GALNT9: variants seen among roughly 807,000 people sequenced by gnomAD.
GALNT9 encodes the protein GalNAc transferase 9.
GALNT9 carries 47 observed loss-of-function variants against 63.1 expected under a neutral mutation model. The ratio of observed to expected loss-of-function variants is 0.75; its 90% CI spans 0.59 to 0.95. GALNT9 has a LOEUF of 0.95. Among genes scored for constraint, GALNT9 ranks in the 40% least tolerant of loss-of-function variants. The pLI is 0.00. For synonymous variants in GALNT9, 396 were observed against 365.7 expected, an observed-to-expected ratio of 1.08 and a Z score of -0.94; for missense variants, 829 against 874.8, an observed-to-expected ratio of 0.95 and a Z score of 0.66.
intron 1 of GALNT9, among the ~76,000 whole-genome samples, chr12:132,326,131 C>T (rs551561309): frequency 4.6e-5 from 7 of 152,250 alleles, no homozygotes; most frequent in Non-Finnish European, 7.3e-5. Flanking sequence ...TGAAAATTTT[C>T]TTAAAGGCAG....
At position 132,296,372 on chromosome 12, in the gene GALNT9, A is replaced by G. The variant is rs1881077690; in HGVS notation, c.239-9942T>C. On this transcript the variant is annotated intron_variant, in intron 1 of 10. Transcript: ENST00000328957. This position sits in a 1 kb window ranked among gnomAD's most constrained non-coding sequence, Gnocchi z 4.2. The stretch of plus-strand genomic sequence containing the variant: ...AGGAGATGCCCACGCTCACCACCCC[A>G]TCCACTGATGGCCCAGCTGTGGGCT... Among the ~76,000 whole-genome samples the G allele has an allele frequency of 6.6e-6, 1 of 152,190 alleles. No homozygotes were observed. Among genetic ancestry groups the G allele is most frequent in the Non-Finnish European group, 1.5e-5 (1 of 68,016 alleles).
At chr12:132,214,303 G>C (rs949599321) in intron 6 of GALNT9, among the ~76,000 whole-genome samples, 5 of 152,188 alleles carry the variant, frequency 3.3e-5, no homozygotes, top group African/African-American at 9.7e-5. Flanking sequence ...GGGATGAAGG[G>C]GGCGAGCAGG....
chr12:132,236,406 A>G lies in GALNT9; in HGVS notation c.1077+11504T>C, dbSNP rs1286907783. On this transcript the variant is annotated intron_variant, in intron 6 of 10. Coordinates refer to ENST00000328957, the MANE Select transcript of GALNT9 (RefSeq NM_001122636.2). This position sits in a 1 kb window ranked among gnomAD's most constrained non-coding sequence, Gnocchi z 5.6. ...GAGGGGGCCTCGGAACCGGAGGGGA[A>G]GACCCCACAGCGTCTGCGGAGCTCC... 6.6e-6 allele frequency among the ~76,000 whole-genome samples: 1 copy of G among 151,982 alleles called. No homozygotes were observed. Among genetic ancestry groups the G allele is most frequent in the Non-Finnish European group, 1.5e-5 (1 of 67,990 alleles).
chr12:132,298,857 AT>A (rs1555243522), intron 1 of GALNT9, among the ~76,000 whole-genome samples: 1 of 143,956 alleles, frequency 6.9e-6, no homozygotes, highest in African/African-American at 2.6e-5. Context: ...CACCTAAACC[AT>A]CCCTGAGATG....
intron 1 of GALNT9, among the ~76,000 whole-genome samples, chr12:132,312,930 C>G (rs147991318): frequency 6.6e-6 from 1 of 152,222 alleles, no homozygotes; most frequent in East Asian, 1.9e-4. Flanking sequence ...TGCACTGGGA[C>G]CCAACCTGCC....
intron 5 of GALNT9, among the ~76,000 whole-genome samples, chr12:132,250,951 C>T (rs574315110): frequency 4.3e-4 from 66 of 152,322 alleles, no homozygotes; most frequent in African/African-American, 1.5e-3. Flanking sequence ...GCCCGGTGCC[C>T]GTGAACCTGG....
intron 6 of GALNT9, among the ~76,000 whole-genome samples, chr12:132,229,578 A>G (rs954049744): frequency 1.3e-5 from 2 of 152,216 alleles, no homozygotes; most frequent in Admixed American, 6.5e-5. Context: ...TCCTGCTCTC[A>G]TGAGCACGCG....
Position 132,201,171 on chromosome 12 carries a change from C to T in GALNT9, c.1354G>A (p.Val452Met), listed in dbSNP as rs770470953. The stretch of plus-strand genomic sequence containing the variant: ...TTGTAGACCCTCATCTCCGGGTACA[C>T]GTTCTCCAGGTACCACTTGAAGCTG... ...CRSFKWYLEN[V>M]YPEMRVYNNT... The change falls in exon 8 of 11, where the codon GTG becomes ATG. Residue 452 changes from valine to methionine, a missense_variant. Coordinates refer to ENST00000328957, the MANE Select transcript of GALNT9 (RefSeq NM_001122636.2). 26 of 1,613,002 alleles carry T rather than the reference C, an allele frequency of 1.6e-5. No individual in the cohort carries two copies. The highest frequency in any genetic ancestry group is 2.2e-5 in the Non-Finnish European group (26 of 1,179,312).
At chr12:132,201,077 G>A (rs776812776) in intron 8 of GALNT9, 47 bp downstream of exon 8, 92 of 1,586,514 alleles carry the variant, frequency 5.8e-5, no homozygotes, top group Non-Finnish European at 7.2e-5. Flanking sequence ...CAGGAGTCAG[G>A]GCAGAAAGCC....
chr12:132,271,193 G>A (rs539128655), intron 2 of GALNT9, among the ~76,000 whole-genome samples: 8 of 152,236 alleles, frequency 5.3e-5, no homozygotes, highest in South Asian at 2.1e-4. Flanking sequence ...GCGGTCACAC[G>A]TGAACAGCCT....
intron 1 of GALNT9, among the ~76,000 whole-genome samples, chr12:132,312,423 T>A (rs1881845870): frequency 6.6e-6 from 1 of 152,202 alleles, no homozygotes; most frequent in Admixed American, 6.5e-5. Context: ...AGGTTTGGGT[T>A]TAAGGGCGGC....
intron 6 of GALNT9, among the ~76,000 whole-genome samples, chr12:132,211,546 G>A (rs748875717): frequency 3.3e-5 from 5 of 152,060 alleles, no homozygotes; most frequent in African/African-American, 7.2e-5. Context: ...AGAAACAGCC[G>A]TGTATCCGCA....
At chr12:132,263,596 A>G (rs1879487749) in intron 2 of GALNT9, among the ~76,000 whole-genome samples, 1 of 152,074 alleles carries the variant, frequency 6.6e-6, no homozygotes, top group Admixed American at 6.6e-5. Context: ...CACACCCTGT[A>G]CCTGTTTGTT....
intron 2 of GALNT9, chr12:132,277,613 G>T (rs1328229247): frequency 1.3e-5 from 2 of 152,222 alleles, no homozygotes; most frequent in East Asian, 3.8e-4. Flanking sequence ...CGTGTGGGCT[G>T]CCTCACAGCC....
At chr12:132,213,857 G>A (rs1368311957) in intron 6 of GALNT9, among the ~76,000 whole-genome samples, 1 of 152,272 alleles carries the variant, frequency 6.6e-6, no homozygotes, top group African/African-American at 2.4e-5. Context: ...AGCCTCGACT[G>A]CATCAGTTGG....
rs1223040451 is a variant in GALNT9, at chr12:132,327,968, C to T, written c.238+998G>A. On this transcript the variant is annotated intron_variant, in intron 1 of 10. Transcript: ENST00000328957. The surrounding 1 kb of genome is among the most constrained non-coding windows in gnomAD (Gnocchi z 4.3). ...ACCCCAGCTCCCGTCACCTCCCACT[C>T]GAGCCTGTTACGGATGCTTTCTGGA... Among the ~76,000 whole-genome samples the T allele has an allele frequency of 2.6e-5, 4 of 152,286 alleles. No individual in the cohort carries two copies. The highest frequency in any genetic ancestry group is 4.4e-5 in the Non-Finnish European group (3 of 68,022).
intron 6 of GALNT9, among the ~76,000 whole-genome samples, chr12:132,220,274 A>G (rs1377420486): frequency 6.6e-6 from 1 of 152,200 alleles, no homozygotes; most frequent in Non-Finnish European, 1.5e-5. Flanking sequence ...AAGACAAAGC[A>G]CCTGAGGAAA....
intron 1 of GALNT9, among the ~76,000 whole-genome samples, chr12:132,317,547 C>T (rs1555245813): frequency 6.6e-6 from 1 of 152,274 alleles, no homozygotes; most frequent in Non-Finnish European, 1.5e-5. Context: ...AATTGGATCA[C>T]ACTCCAGTGA....
At chr12:132,211,765 C>A (rs924931024) in intron 6 of GALNT9, among the ~76,000 whole-genome samples, 1 of 152,198 alleles carries the variant, frequency 6.6e-6, no homozygotes, top group African/African-American at 2.4e-5. Context: ...AGGAGATGGG[C>A]ACGGAAGGCT....
Sources: allele counts gnomAD v4.1 joint callset (sites outside exome capture counted in the v4.1 genomes callset), GRCh38; gene constraint gnomAD v4.1.1; non-coding constraint Gnocchi (gnomAD v3.1); transcripts MANE v1.5; gene names NCBI Gene and HGNC (gene_info 2026-07-23, HGNC 2026-07-21).